SCFD2: variants seen among roughly 807,000 people sequenced by gnomAD.
SCFD2 encodes the protein sec1 family domain containing 2.
Under a neutral mutation model 58.9 loss-of-function variants are expected in SCFD2, and 54 were observed. The ratio of observed to expected loss-of-function variants is 0.92; its 90% CI spans 0.74 to 1.15. SCFD2 has a LOEUF of 1.15. Ranked by LOEUF, SCFD2 falls within the 50% of genes most tolerant of loss-of-function variation. The pLI, the probability that SCFD2 is intolerant of heterozygous loss-of-function variation, is 0.00. For synonymous variants in SCFD2, 321 were observed against 335.9 expected (o/e 0.96, Z 0.49); for missense variants, 805 against 836.6 (o/e 0.96, Z 0.47).
chr4:53,134,369 A>T lies in SCFD2; in HGVS notation c.1561+10964T>A, dbSNP rs180721639. Among the ~76,000 whole-genome samples, 101 of 149,612 alleles carry T rather than the reference A, an allele frequency of 6.8e-4. 1 individual carries two copies. In the East Asian group the frequency reaches 7.2e-3, roughly 11 times the overall value. On this transcript the variant is annotated intron_variant, in intron 5 of 8. Coordinates refer to ENST00000401642, the MANE Select transcript of SCFD2 (RefSeq NM_152540.4). ...TTCTTATCACAATAAAATAAAATTTAAAAAAAAAACAGTGCTTTTTAAACC... is the reference window on the plus strand; with the variant it reads ...TTCTTATCACAATAAAATAAAATTTTAAAAAAAAACAGTGCTTTTTAAACC...
intron 2 of SCFD2, among the ~76,000 whole-genome samples, chr4:53,348,303 A>G (rs1419756835): frequency 1.3e-5 from 2 of 152,202 alleles, no homozygotes; most frequent in African/African-American, 4.8e-5. Flanking sequence ...AGACTTTTCC[A>G]TTGCAGGCAC....
intron 4 of SCFD2, among the ~76,000 whole-genome samples, chr4:53,178,252 T>C (rs1478187770): frequency 6.6e-6 from 1 of 152,010 alleles, no homozygotes; most frequent in East Asian, 1.9e-4. Context: ...CACCCCTCAG[T>C]AGGGGCAGAC....
intron 4 of SCFD2, among the ~76,000 whole-genome samples, chr4:53,216,399 A>T (rs1577853200): frequency 2.0e-5 from 3 of 152,206 alleles, no homozygotes; most frequent in Admixed American, 2.0e-4. Context: ...CCAGGAATTT[A>T]TCCATTTCTT....
chr4:53,266,083 A>G (rs1251108594), intron 4 of SCFD2, among the ~76,000 whole-genome samples: 1 of 152,176 alleles, frequency 6.6e-6, no homozygotes, highest in East Asian at 1.9e-4. Flanking sequence ...TAGCATAAAA[A>G]CATCAGCCAT....
intron 6 of SCFD2, among the ~76,000 whole-genome samples, chr4:52,908,788 T>C (rs1719412305): frequency 6.6e-6 from 1 of 152,212 alleles, no homozygotes; most frequent in African/African-American, 2.4e-5. Context: ...TTGGCATCTT[T>C]CCCAGGGATA....
intron 5 of SCFD2, among the ~76,000 whole-genome samples, chr4:53,030,131 T>C (rs1464820623): frequency 6.6e-6 from 1 of 152,028 alleles, no homozygotes; most frequent in Non-Finnish European, 1.5e-5. Context: ...AAATTCAATA[T>C]AGGAAACAAC....
At chr4:53,342,316 G>C (rs1005535702) in intron 2 of SCFD2, among the ~76,000 whole-genome samples, 10 of 151,852 alleles carry the variant, frequency 6.6e-5, no homozygotes, top group Admixed American at 1.3e-4. Context: ...TCCTAGTCTT[G>C]GATAAAACAG....
chr4:52,936,095 C>A (rs1462118246), intron 5 of SCFD2, among the ~76,000 whole-genome samples: 1 of 152,124 alleles, frequency 6.6e-6, no homozygotes, highest in African/African-American at 2.4e-5. Context: ...CCTCATCCTC[C>A]CAAAGTGCTG....
intron 4 of SCFD2, among the ~76,000 whole-genome samples, chr4:53,257,253 C>G (rs1234399934): frequency 1.3e-5 from 2 of 152,146 alleles, no homozygotes; most frequent in Non-Finnish European, 2.9e-5. Flanking sequence ...CGGTCACAGG[C>G]AAGCTATGAG....
chr4:52,973,366 T>C (rs1336712259), intron 5 of SCFD2, among the ~76,000 whole-genome samples: 1 of 152,162 alleles, frequency 6.6e-6, no homozygotes, highest in Admixed American at 6.6e-5. Flanking sequence ...AAATACAAAC[T>C]ACCATCAGAG....
chr4:53,197,111 A>G (rs1461534526), intron 4 of SCFD2, among the ~76,000 whole-genome samples: 1 of 152,160 alleles, frequency 6.6e-6, no homozygotes, highest in Non-Finnish European at 1.5e-5. Context: ...ATCATCCCAA[A>G]GCATGGCGGG....
rs117597544 is a variant in SCFD2, at chr4:53,275,824, C to A, written c.1136-1823G>T. Among the ~76,000 whole-genome samples the A allele has an allele frequency of 4.1e-4, 62 of 152,256 alleles. No homozygotes were observed. The East Asian group carries it at 0.012, about 29-fold the overall frequency. ...CTTCTTTCACTGAACCATAATGTAT[C>A]TGAGATTCATCCACGTTGCTGCTTG... On this transcript the variant is annotated intron_variant, in intron 3 of 8. Coordinates refer to ENST00000401642, the MANE Select transcript of SCFD2 (RefSeq NM_152540.4).
intron 5 of SCFD2, among the ~76,000 whole-genome samples, chr4:53,045,504 C>T (rs1417071572): frequency 2.6e-5 from 4 of 151,988 alleles, no homozygotes; most frequent in Admixed American, 6.6e-5. Context: ...CTTATTATTT[C>T]GTATACTATA....
At chr4:53,175,272 G>C (rs1049653684) in intron 4 of SCFD2, among the ~76,000 whole-genome samples, 17 of 152,088 alleles carry the variant, frequency 1.1e-4, no homozygotes, top group African/African-American at 3.9e-4. Context: ...CTTTTAGCTT[G>C]GTTTAAATTT....
At chr4:53,290,311 T>C (rs1052570857) in intron 3 of SCFD2, among the ~76,000 whole-genome samples, 2 of 152,086 alleles carry the variant, frequency 1.3e-5, no homozygotes, top group African/African-American at 4.8e-5. Context: ...AAATCAGTAA[T>C]AGGAGAAATA....
intron 5 of SCFD2, among the ~76,000 whole-genome samples, chr4:52,976,012 G>T (rs1357581619): frequency 7.9e-6 from 1 of 126,318 alleles, no homozygotes; most frequent in Non-Finnish European, 1.6e-5. Context: ...ATCACACACT[G>T]GGGCCTGTTG....
chr4:52,948,317 A>G (rs1486076643), intron 5 of SCFD2: 2 of 292,770 alleles, frequency 6.8e-6, no homozygotes, highest in African/African-American at 2.2e-5. Flanking sequence ...ACAAACATCC[A>G]TGAGCCCCCA....
At chr4:53,194,358 T>A (rs1213362683) in intron 4 of SCFD2, among the ~76,000 whole-genome samples, 1 of 152,210 alleles carries the variant, frequency 6.6e-6, no homozygotes, top group African/African-American at 2.4e-5. Context: ...ATTCCAATTA[T>A]GTAAAGAAAA....
At chr4:53,203,324 A>G (rs1728309559) in intron 4 of SCFD2, among the ~76,000 whole-genome samples, 1 of 151,322 alleles carries the variant, frequency 6.6e-6, no homozygotes, top group South Asian at 2.1e-4. Context: ...TATGCTGACA[A>G]ACATGAATTT....
Sources: gnomAD v4.1 joint callset for allele counts (sites outside exome capture counted in the v4.1 genomes callset) on GRCh38, gnomAD v4.1.1 for gene constraint, MANE v1.5 for transcripts, NCBI Gene and HGNC (gene_info 2026-07-23, HGNC 2026-07-21) for gene names.